Variants in KLRG2 observed in about 807,000 individuals in gnomAD.
KLRG2 encodes the protein killer cell lectin-like receptor subfamily G member 2.
Under a neutral mutation model 35.4 loss-of-function variants are expected in KLRG2, and 39 were observed. That is an observed-to-expected ratio of 1.10 (90% CI 0.85 to 1.44). The LOEUF (loss-of-function observed/expected upper bound fraction) is 1.44. KLRG2 is among the 40% of genes most tolerant of loss of function. KLRG2 has a pLI of 0.00. For missense variants in KLRG2, 632 were observed against 570.9 expected, an observed-to-expected ratio of 1.11 and a Z score of -1.09; for synonymous variants, 283 against 265.8, an observed-to-expected ratio of 1.06 and a Z score of -0.63.
At chr7:139,472,000 G>A (rs569306725) in intron 3 of KLRG2, among the ~76,000 whole-genome samples, 18 of 152,318 alleles carry the variant, frequency 1.2e-4, no homozygotes, top group African/African-American at 3.6e-4. Context: ...GTCACCTGAC[G>A]TGTGGCAGTT....
the KLRG2 span, among the ~76,000 whole-genome samples, chr7:139,433,728 G>C: frequency 1.3e-5 from 2 of 148,410 alleles, no homozygotes. Flanking sequence ...CTCCACCTCC[G>C]GGGTTCAAGT....
chr7:139,454,872 G>T (rs1028169180), intron 3 of KLRG2, among the ~76,000 whole-genome samples: 1 of 148,852 alleles, frequency 6.7e-6, no homozygotes, highest in Non-Finnish European at 1.5e-5. Context: ...AATAACACAC[G>T]CAGATGTGCA....
Position 139,457,003 on chromosome 7 carries a change from A to G in KLRG2, c.1006-2789T>C, listed in dbSNP as rs148022821. On this transcript the variant is annotated intron_variant, in intron 3 of 4. Transcript: ENST00000340940. Reference sequence around the variant, plus strand: ...CTGTGTATCCCAGAAGTGTCACGGAAAACCCATCTTCTGCCCCTCAAGGTT... The same window carrying G: ...CTGTGTATCCCAGAAGTGTCACGGAGAACCCATCTTCTGCCCCTCAAGGTT... Among the ~76,000 whole-genome samples, 1,028 of 152,308 alleles carry G rather than the reference A, an allele frequency of 6.7e-3. 7 individuals carry two copies. Among genetic ancestry groups the G allele is most frequent in the Non-Finnish European group, 7.1e-3 (481 of 68,020 alleles).
In KLRG2 at chr7:139,453,400, C is replaced by T. The variant is rs1014160757; in HGVS notation, c.*187G>A. 1 of 598,226 alleles carries T rather than the reference C, an allele frequency of 1.7e-6. No individual in the cohort carries two copies. The highest frequency in any genetic ancestry group is 1.9e-5 in the African/African-American group (1 of 53,184). The allele number at this position is 598,226 out of a possible 1,614,324, so 37.1% of individuals were successfully genotyped here. On this transcript the variant is annotated 3_prime_UTR_variant, in exon 5 of 5. Transcript: ENST00000340940. ...TCAGGCCTGAGGCCATAGAAAATCTCCTTTCCCTCGGATGCATCTTCCTGG... is the reference window on the plus strand; with the variant it reads ...TCAGGCCTGAGGCCATAGAAAATCTTCTTTCCCTCGGATGCATCTTCCTGG...
At chr7:139,476,056 A>G (rs1368511258) in intron 3 of KLRG2, among the ~76,000 whole-genome samples, 3 of 152,194 alleles carry the variant, frequency 2.0e-5, no homozygotes, top group Admixed American at 6.5e-5. Flanking sequence ...CACACCAGCC[A>G]AGTGATTGTT....
At chr7:139,439,918 G>C in the KLRG2 span, among the ~76,000 whole-genome samples, 1 of 152,062 alleles carries the variant, frequency 6.6e-6, no homozygotes, top group Non-Finnish European at 1.5e-5. Context: ...AATTTATTCT[G>C]TCACAGTTCT....
the KLRG2 span, among the ~76,000 whole-genome samples, chr7:139,436,934 C>T: frequency 1.4e-4 from 22 of 152,224 alleles, no homozygotes; most frequent in African/African-American, 5.3e-4. Context: ...CCTCACTTCA[C>T]TCGGTGTCCT....
At chr7:139,438,920 T>TCC in the KLRG2 span, among the ~76,000 whole-genome samples, 6 of 63,102 alleles carry the variant, frequency 9.5e-5, no homozygotes, top group Admixed American at 1.9e-4. Context: ...GATGATCCCC[T>TCC]CCCCCCCCCC....
intron 3 of KLRG2, among the ~76,000 whole-genome samples, chr7:139,475,557 G>A (rs1201254922): frequency 2.0e-5 from 3 of 149,946 alleles, no homozygotes; most frequent in African/African-American, 4.9e-5. Flanking sequence ...ACTCGTCCCC[G>A]TGCTGGGGGG....
chr7:139,459,675 A>C (rs1451175222), intron 3 of KLRG2, among the ~76,000 whole-genome samples: 3 of 152,110 alleles, frequency 2.0e-5, no homozygotes, highest in Non-Finnish European at 2.9e-5. Flanking sequence ...CACAGCATAT[A>C]TTATTTGTGG....
At chr7:139,477,474 TC>T in intron 3 of KLRG2, among the ~76,000 whole-genome samples, 1 of 152,142 alleles carries the variant, frequency 6.6e-6, no homozygotes, top group African/African-American at 2.4e-5. Flanking sequence ...AATAAGCCAG[TC>T]ACAACAAGAC....
rs369491067 is a variant in KLRG2 at position 139,453,340 on chromosome 7, G to C, written c.*247C>G. ...ACAACCATCCCAATGTCATCAAACC[G>C]ATCATCCACAGAAGCTGGAGACTAA... On this transcript the variant is annotated 3_prime_UTR_variant, in exon 5 of 5. Coordinates refer to ENST00000340940, the MANE Select transcript of KLRG2 (RefSeq NM_198508.4). The C allele has an allele frequency of 1.1e-5, 6 of 531,334 alleles. No individual in the cohort carries two copies. The highest frequency in any genetic ancestry group is 3.3e-5 in the East Asian group (1 of 30,548). The allele number at this position is 531,334 out of a possible 1,614,324, so 32.9% of individuals were successfully genotyped here. A position where few individuals can be genotyped will look rare whatever the true frequency, so the allele number is the denominator to read the frequency against.
the KLRG2 span, among the ~76,000 whole-genome samples, chr7:139,445,781 G>GTATATATATATATATA: frequency 7.1e-5 from 7 of 98,482 alleles, no homozygotes; most frequent in Admixed American, 1.8e-4. Flanking sequence ...ATATATATAT[G>GTATATATATATATATA]TATATATATA....
chr7:139,435,432 G>A, the KLRG2 span, among the ~76,000 whole-genome samples: 3 of 152,302 alleles, frequency 2.0e-5, no homozygotes, highest in African/African-American at 7.2e-5. Context: ...AGAGGTTGCA[G>A]TGAGCCAAGA....
the KLRG2 span, among the ~76,000 whole-genome samples, chr7:139,429,998 G>A: frequency 1.3e-5 from 2 of 152,162 alleles, no homozygotes; most frequent in African/African-American, 4.8e-5. Flanking sequence ...TTAAGGCAGG[G>A]TTCCTCAAAA....
Position 139,454,098 on chromosome 7 carries a change from C to G in KLRG2, c.1109+13G>C. 6.9e-7 allele frequency: 1 copy of G among 1,448,112 alleles called. No individual in the cohort carries two copies. The highest frequency in any genetic ancestry group is 1.2e-5 in the South Asian group (1 of 82,020). The allele number at this position is 1,448,112 out of a possible 1,614,324, so 89.7% of individuals were successfully genotyped here. ...GAACAGCAGAGGAGGGAGAAAAGCC[C>G]GTGGTCACTCACAGCTGGGGCGGGA... is the stretch of plus-strand genomic sequence containing the variant. On this transcript the variant is annotated intron_variant, in intron 4 of 4. Transcript: ENST00000340940.
chr7:139,444,062 G>A, the KLRG2 span, among the ~76,000 whole-genome samples: 1 of 152,216 alleles, frequency 6.6e-6, no homozygotes, highest in Non-Finnish European at 1.5e-5. Flanking sequence ...AGTGCAGGAA[G>A]CATCCAGCAC....
At chr7:139,455,191 G>T (rs982518767) in intron 3 of KLRG2, among the ~76,000 whole-genome samples, 1 of 151,530 alleles carries the variant, frequency 6.6e-6, no homozygotes, top group Admixed American at 6.6e-5. Flanking sequence ...GGTAATTTTC[G>T]TATTTTTAGT....
intron 2 of KLRG2, 60 bp from the exon 3 acceptor site, chr7:139,479,832 T>G (rs1437269884): frequency 1.4e-5 from 22 of 1,552,588 alleles, no homozygotes; most frequent in Middle Eastern, 1.9e-4. Context: ...AAACAAAGCC[T>G]GGCTGCTGCC....
Sources: allele counts gnomAD v4.1 joint callset (sites outside exome capture counted in the v4.1 genomes callset), GRCh38; gene constraint gnomAD v4.1.1; transcripts MANE v1.5; gene names NCBI Gene and HGNC (gene_info 2026-07-23, HGNC 2026-07-21).